CBFB: variants seen among roughly 807,000 people sequenced by gnomAD.
CBFB encodes the protein CBF-beta.
In CBFB, 9 loss-of-function variants were observed where a neutral mutation model predicts 30.4. The ratio of observed to expected loss-of-function variants is 0.30; its 90% CI spans 0.18 to 0.52. The LOEUF (loss-of-function observed/expected upper bound fraction) is 0.52, where lower values mean the gene tolerates loss of function less well. CBFB is among the 20% of genes least tolerant of loss of function. The probability of loss-of-function intolerance (pLI) is 0.97; values close to 1 mark genes in which losing one functional copy is unlikely to be tolerated. For missense variants in CBFB, 170 were observed against 244.0 expected, an observed-to-expected ratio of 0.70 and a Z score of 2.02; for synonymous variants, 94 against 84.0, an observed-to-expected ratio of 1.12 and a Z score of -0.65.
Position 67,029,596 on chromosome 16 carries a change from G to A in CBFB, c.78+111G>A, listed in dbSNP as rs8061800. On this transcript the variant is annotated intron_variant, in intron 1 of 5. Transcript: ENST00000412916. ...GGGAGTCCCGGTCGGTGCGCCCGCG[G>A]AGGGGCAATCTCGCCGGGGCGGCCA... 0.014 allele frequency: 18,897 copies of A among 1,326,362 alleles called. 1,395 individuals carry two copies. In the African/African-American group the frequency reaches 0.21, roughly 15 times the overall value. 82.2% of individuals were successfully genotyped at this position (1,326,362 alleles called of 1,614,324 possible).
chr16:67,045,606 T>C (rs939313700), intron 3 of CBFB, among the ~76,000 whole-genome samples: 4 of 152,198 alleles, frequency 2.6e-5, no homozygotes, highest in Non-Finnish European at 5.9e-5. Flanking sequence ...TAAATGCACC[T>C]CTGAAGCACT....
intron 2 of CBFB, among the ~76,000 whole-genome samples, chr16:67,030,997 A>C (rs554738220): frequency 6.6e-6 from 1 of 152,272 alleles, no homozygotes; most frequent in East Asian, 1.9e-4. Context: ...GCTAGGTGCG[A>C]TTTGAATTTG....
chr16:67,033,361 A>G (rs1966385123), intron 2 of CBFB, among the ~76,000 whole-genome samples: 1 of 152,020 alleles, frequency 6.6e-6, no homozygotes, highest in Non-Finnish European at 1.5e-5. Flanking sequence ...CTTTTTTGAG[A>G]CTGGATCTTA....
chr16:67,048,684 G>A (rs900841129), intron 3 of CBFB, among the ~76,000 whole-genome samples: 3 of 151,978 alleles, frequency 2.0e-5, no homozygotes, highest in Admixed American at 6.6e-5. Context: ...CCGAGTAGCT[G>A]GGACTACAGG....
chr16:67,080,818 A>G (rs1961533225), intron 4 of CBFB, among the ~76,000 whole-genome samples: 1 of 152,160 alleles, frequency 6.6e-6, no homozygotes, highest in Non-Finnish European at 1.5e-5. Context: ...AGCCTTAAAT[A>G]TTGTATTCAT....
chr16:67,031,604 G>T (rs1966349850), intron 2 of CBFB, among the ~76,000 whole-genome samples: 1 of 152,176 alleles, frequency 6.6e-6, no homozygotes, highest in Non-Finnish European at 1.5e-5. Context: ...TTCGCCTCCT[G>T]GGTTAAAGCG....
intron 5 of CBFB, among the ~76,000 whole-genome samples, chr16:67,096,330 A>T (rs560387069): frequency 1.4e-4 from 21 of 152,068 alleles, no homozygotes; most frequent in African/African-American, 4.6e-4. Context: ...AAATAATAAT[A>T]ATTAGTTAAT....
chr16:67,075,588 T>C (rs1324722266), intron 4 of CBFB, among the ~76,000 whole-genome samples: 1 of 152,140 alleles, frequency 6.6e-6, no homozygotes, highest in Admixed American at 6.5e-5. Context: ...ACACACACTA[T>C]GATCTAGCAG....
intron 3 of CBFB, among the ~76,000 whole-genome samples, chr16:67,037,452 T>C (rs1966460274): frequency 6.6e-6 from 1 of 152,172 alleles, no homozygotes; most frequent in Admixed American, 6.5e-5. Flanking sequence ...TAGGTAACTT[T>C]CTAATTCCAT....
In CBFB at chr16:67,099,532, G is replaced by A; in HGVS notation, c.*754G>A. ...GCCTCCCAGAGTACTGGGATTACAG[G>A]CTCTTTCTTTTTAAACATAAAAGTT... On this transcript the variant is annotated 3_prime_UTR_variant, in exon 6 of 6. Coordinates refer to ENST00000412916, the MANE Select transcript of CBFB (RefSeq NM_022845.3). The A allele has an allele frequency of 5.0e-6, 1 of 201,504 alleles. No individual in the cohort carries two copies. Among genetic ancestry groups the A allele is most frequent in the East Asian group, 7.7e-5 (1 of 13,044 alleles). The allele number at this position is 201,504 out of a possible 1,614,324, so 12.5% of individuals were successfully genotyped here. A position where few individuals can be genotyped will look rare whatever the true frequency, so the allele number is the denominator to read the frequency against.
intron 3 of CBFB, among the ~76,000 whole-genome samples, chr16:67,051,217 A>G (rs1307754398): frequency 6.6e-6 from 1 of 152,198 alleles, no homozygotes; most frequent in East Asian, 1.9e-4. Flanking sequence ...AATAATAATA[A>G]AAGGAACATA....
intron 5 of CBFB, among the ~76,000 whole-genome samples, chr16:67,087,581 C>T (rs1006046833): frequency 1.3e-5 from 2 of 152,162 alleles, no homozygotes; most frequent in African/African-American, 2.4e-5. Flanking sequence ...GAAATAAATA[C>T]ATTGTTAATT....
intron 3 of CBFB, among the ~76,000 whole-genome samples, chr16:67,062,249 A>G (rs967263982): frequency 3.3e-5 from 5 of 150,386 alleles, no homozygotes; most frequent in Non-Finnish European, 7.4e-5. Context: ...GCTCACTGCA[A>G]ACTCCATCTC....
At chr16:67,051,197 A>G in intron 3 of CBFB, among the ~76,000 whole-genome samples, 3 of 152,294 alleles carry the variant, frequency 2.0e-5, no homozygotes, top group Admixed American at 2.0e-4. Flanking sequence ...AAAAACATGT[A>G]CATTTTAGGA....
intron 3 of CBFB, among the ~76,000 whole-genome samples, chr16:67,049,892 CAT>C (rs1330301951): frequency 6.6e-6 from 1 of 152,070 alleles, no homozygotes; most frequent in Non-Finnish European, 1.5e-5. Context: ...AATTTTAGAA[CAT>C]ATCTGGTGAT....
At chr16:67,037,471 A>G (rs1052959467) in intron 3 of CBFB, among the ~76,000 whole-genome samples, 3 of 152,138 alleles carry the variant, frequency 2.0e-5, no homozygotes, top group East Asian at 3.8e-4. Flanking sequence ...ATTAACAGCA[A>G]ATTTACATTT....
chr16:67,067,741 GA>G (rs960192117), intron 4 of CBFB, among the ~76,000 whole-genome samples: 5 of 149,374 alleles, frequency 3.3e-5, no homozygotes, highest in South Asian at 2.1e-4. Flanking sequence ...CAGGGCTTGG[GA>G]AAAAAAAAAT....
At chr16:67,058,167 G>A (rs1169589585) in intron 3 of CBFB, among the ~76,000 whole-genome samples, 2 of 149,296 alleles carry the variant, frequency 1.3e-5, no homozygotes, top group African/African-American at 4.9e-5. Context: ...TTGAGATGGA[G>A]TCTTGCTCTG....
chr16:67,054,846 G>A (rs757837778), intron 3 of CBFB, among the ~76,000 whole-genome samples: 12 of 152,052 alleles, frequency 7.9e-5, no homozygotes, highest in African/African-American at 2.2e-4. Flanking sequence ...TCCGCCTCCC[G>A]GGTTCACGCC....
Sources: gnomAD v4.1 joint callset for allele counts (sites outside exome capture counted in the v4.1 genomes callset) on GRCh38, gnomAD v4.1.1 for gene constraint, MANE v1.5 for transcripts, NCBI Gene and HGNC (gene_info 2026-07-23, HGNC 2026-07-21) for gene names.